PROM1: variants seen among roughly 807,000 people sequenced by gnomAD.
PROM1 encodes the protein prominin 1.
In PROM1, 105 loss-of-function variants were observed where a neutral mutation model predicts 116.9. The observed-to-expected ratio is 0.90, with a 90% CI of 0.77 to 1.06. The LOEUF is 1.06. PROM1 is among the 50% of genes least tolerant of loss of function. PROM1 has a pLI of 0.00. For synonymous variants in PROM1, 393 were observed against 387.0 expected (o/e 1.02, Z -0.18); for missense variants, 1,122 against 1,045.2 (o/e 1.07, Z -1.01).
intron 15 of PROM1, among the ~76,000 whole-genome samples, chr4:15,995,191 C>A (rs868556453): frequency 8.5e-5 from 13 of 152,098 alleles, no homozygotes; most frequent in Middle Eastern, 6.8e-3. Context: ...CTGCCTCTGC[C>A]AGAAGCAATG....
At chr4:16,027,466 A>G (rs922992328) in intron 5 of PROM1, among the ~76,000 whole-genome samples, 8 of 152,098 alleles carry the variant, frequency 5.3e-5, no homozygotes, top group Non-Finnish European at 1.2e-4. Flanking sequence ...GCATGCCCAG[A>G]TTATTTTATT....
At chr4:16,083,023 C>T (rs889799477) in intron 1 of PROM1, among the ~76,000 whole-genome samples, 1 of 151,942 alleles carries the variant, frequency 6.6e-6, no homozygotes, top group African/African-American at 2.4e-5. Context: ...TGGGAAGGTG[C>T]TTCAAGCCAG....
intron 2 of PROM1, among the ~76,000 whole-genome samples, chr4:16,067,792 TTC>T (rs1287705490): frequency 3.9e-5 from 6 of 152,152 alleles, no homozygotes; most frequent in Admixed American, 3.9e-4. Context: ...TGGGTACCGC[TTC>T]TCTCTGCCTC....
chr4:16,024,731 G>A (rs1216559204), intron 6 of PROM1, among the ~76,000 whole-genome samples: 1 of 152,108 alleles, frequency 6.6e-6, no homozygotes, highest in Non-Finnish European at 1.5e-5. Flanking sequence ...GTGTGTGATA[G>A]AGACTGCTTG....
rs759423093 is a variant in PROM1, at chr4:16,025,221, A to G, written c.601T>C (p.Leu201=). The G allele has an allele frequency of 6.2e-7, 1 of 1,613,872 alleles. No homozygotes were observed. The highest frequency in any genetic ancestry group is 8.5e-7 in the Non-Finnish European group (1 of 1,179,832). ...GGAGTTTCATTCAAGAGAGTTCGCA[A>G]GTCCTTGAAATTGCTATCTGCCAGT... ...RKLADSNFKD[L]RTLLNETPEQ... is the part of the protein sequence containing the mutation. The change falls in exon 6 of 28, where the codon TTG becomes CTG. Residue 201 remains leucine (L), a synonymous_variant. Transcript: ENST00000447510.
At chr4:16,079,396 C>G (rs545427904) in intron 1 of PROM1, 1 of 152,336 alleles carries the variant, frequency 6.6e-6, no homozygotes, top group African/African-American at 2.4e-5. Context: ...TTACATCTTG[C>G]TCCAAAATGT....
chr4:15,985,866 G>A (rs1719238272), intron 21 of PROM1, 38 bp from the exon 22 acceptor site: 2 of 1,508,114 alleles, frequency 1.3e-6, no homozygotes, highest in South Asian at 2.3e-5. Context: ...GCATTAAAAT[G>A]ATGACAGCAT....
rs1213802499 is a variant in PROM1, at chr4:16,006,562, T to C, written c.1430A>G (p.Asn477Ser). 4 of 1,599,660 alleles carry C rather than the reference T, an allele frequency of 2.5e-6. No homozygotes were observed. Among genetic ancestry groups the C allele is most frequent in the South Asian group, 1.1e-5 (1 of 88,288 alleles). ...ATPTTRGCVS[N>S]TGGVFLMVGV... ...CACCATGAGGAAGACGCCTCCGGTG[T>C]TGGAGACACAGCCTCGGGTGGTCGG... is the stretch of plus-strand genomic sequence containing the variant. Residue 477 changes from asparagine to serine, a missense_variant, in exon 13 of 28, where the codon AAC (asparagine) becomes AGC (serine). Asn to Ser is a conservative substitution (Grantham distance 46, BLOSUM62 1). Transcript: ENST00000447510.
chr4:15,988,999 CCTT>C (rs933448848), intron 19 of PROM1, among the ~76,000 whole-genome samples: 2 of 152,130 alleles, frequency 1.3e-5, no homozygotes, highest in Non-Finnish European at 1.5e-5. Flanking sequence ...ACACTTCTCT[CCTT>C]GATGGCTACA....
chr4:16,025,239 C>G lies in PROM1; in HGVS notation c.583G>C (p.Asp195His), dbSNP rs1309469017. The change falls in exon 6 of 28, where the codon GAT (aspartate) becomes CAT (histidine). Residue 195 changes from aspartate to histidine, a missense_variant. Transcript: ENST00000447510. Reference protein sequence around the residue: ...TRIKRSRKLADSNFKDLRTLL... With the variant: ...TRIKRSRKLAHSNFKDLRTLL... ...GTTCGCAAGTCCTTGAAATTGCTATCTGCCAGTTTCCGACTCCTTTTGATC... is the reference window on the plus strand; with the variant it reads ...GTTCGCAAGTCCTTGAAATTGCTATGTGCCAGTTTCCGACTCCTTTTGATC... 1 of 1,613,830 alleles carries G rather than the reference C, an allele frequency of 6.2e-7. No individual in the cohort carries two copies. The highest frequency in any genetic ancestry group is 8.5e-7 in the Non-Finnish European group (1 of 1,179,792).
chr4:16,005,502 GT>G (rs1725231381), intron 13 of PROM1, among the ~76,000 whole-genome samples: 1 of 7,612 alleles, frequency 1.3e-4, no homozygotes, highest in Non-Finnish European at 3.5e-4. Context: ...TTTGGTGTGT[GT>G]GTGTGTGTGT....
At chr4:15,991,403 T>C (rs1014921014) in intron 17 of PROM1, 110 bp from the exon 18 acceptor site, 2 of 692,616 alleles carry the variant, frequency 2.9e-6, no homozygotes, top group African/African-American at 1.9e-5. Flanking sequence ...AAAGTAATCA[T>C]GTGAGGTCAG....
intron 2 of PROM1, among the ~76,000 whole-genome samples, chr4:16,061,583 C>T (rs774120711): frequency 1.3e-5 from 2 of 152,222 alleles, no homozygotes; most frequent in Non-Finnish European, 1.5e-5. Flanking sequence ...CTGTCCCTCC[C>T]CATGAGGTGA....
intron 26 of PROM1, among the ~76,000 whole-genome samples, chr4:15,977,599 A>T (rs1716515192): frequency 6.6e-6 from 1 of 151,988 alleles, no homozygotes; most frequent in Non-Finnish European, 1.5e-5. Flanking sequence ...CCATTTCATG[A>T]CTTTATTTAT....
chr4:15,986,073 T>C (rs1337881479), intron 20 of PROM1, 36 bp from the exon 21 acceptor site: 1 of 1,430,802 alleles, frequency 7.0e-7, no homozygotes, highest in East Asian at 2.4e-5. Flanking sequence ...GGGTATCAAG[T>C]CATAGAAAGT....
In PROM1 at chr4:16,019,600, A is replaced by G. The variant is rs11936267; in HGVS notation, c.785-1060T>C. On this transcript the variant is annotated intron_variant, in intron 8 of 27. Transcript: ENST00000447510. ...ATCTGGATGATGGAGCTACCTATACATGACTAGGGAGGTAGGGAATTACAA... is the reference window on the plus strand; with the variant it reads ...ATCTGGATGATGGAGCTACCTATACGTGACTAGGGAGGTAGGGAATTACAA... Among the ~76,000 whole-genome samples, 630 of 152,340 alleles carry G rather than the reference A, an allele frequency of 4.1e-3. 5 individuals are homozygous for G. The highest frequency in any genetic ancestry group is 0.015 in the African/African-American group (604 of 41,578).
rs398124215 is a variant in PROM1, at chr4:16,016,246, A to C, written c.1003-6T>G. The C allele has an allele frequency of 4.5e-6, 7 of 1,546,480 alleles. No homozygotes were observed. In the African/African-American group the frequency reaches 6.9e-5, roughly 15 times the overall value. On this transcript the variant is annotated splice_polypyrimidine_tract_variant and splice_region_variant and intron_variant, in intron 9 of 27. Transcript: ENST00000447510. ...TCTGCATCCACGGGTGGAAGCTGAA[A>C]ATTTATAAAACAAAATATAAGACAA...
chr4:16,043,837 G>T (rs1735893801), intron 2 of PROM1, among the ~76,000 whole-genome samples: 1 of 152,174 alleles, frequency 6.6e-6, no homozygotes, highest in Non-Finnish European at 1.5e-5. Flanking sequence ...CAGGGTGTGT[G>T]GCCTGGGAGT....
rs147668738 is a variant in PROM1 at position 16,018,258 on chromosome 4, G to A, written c.1002+65C>T. 58 of 1,522,816 alleles carry A rather than the reference G, an allele frequency of 3.8e-5. No homozygotes were observed. The African/African-American group carries it at 5.3e-4, about 14-fold the overall frequency. The allele number at this position is 1,522,816 out of a possible 1,614,324, so 94.3% of individuals were successfully genotyped here. A position where few individuals can be genotyped will look rare whatever the true frequency, so the allele number is the denominator to read the frequency against. ...ACCATGCACTGGATAGGTCACCCACGCTTAGCCCTGCCCGGCAATCCCCAG... is the reference window on the plus strand; with the variant it reads ...ACCATGCACTGGATAGGTCACCCACACTTAGCCCTGCCCGGCAATCCCCAG... On this transcript the variant is annotated intron_variant, in intron 9 of 27. Coordinates refer to ENST00000447510, the MANE Select transcript of PROM1 (RefSeq NM_006017.3).
Sources: allele counts gnomAD v4.1 joint callset (sites outside exome capture counted in the v4.1 genomes callset), GRCh38; gene constraint gnomAD v4.1.1; transcripts MANE v1.5; gene names NCBI Gene and HGNC (gene_info 2026-07-23, HGNC 2026-07-21).